NFAM1: variants seen among roughly 807,000 people sequenced by gnomAD.
NFAM1 encodes the protein NFAT activating protein with ITAM motif 1, also known as NFAT activation molecule 1.
NFAM1 carries 17 observed loss-of-function variants against 29.0 expected under a neutral mutation model. The observed-to-expected ratio is 0.59, with a 90% confidence interval of 0.40 to 0.88. NFAM1 has a LOEUF of 0.88. Among genes scored for constraint, NFAM1 ranks in the 40% least tolerant of loss-of-function variants. The pLI, the probability that NFAM1 is intolerant of heterozygous loss-of-function variation, is 0.00. For synonymous variants in NFAM1, 175 were observed against 147.2 expected (o/e 1.19, Z -1.36); for missense variants, 324 against 344.6 (o/e 0.94, Z 0.47).
chr22:42,399,403 C>T (rs1263137693), intron 3 of NFAM1, among the ~76,000 whole-genome samples: 1 of 145,830 alleles, frequency 6.9e-6, no homozygotes, highest in Non-Finnish European at 1.5e-5. Context: ...ATCGAGATCA[C>T]ACCATTGCAC....
chr22:42,391,742 C>T (rs928368077), intron 4 of NFAM1, among the ~76,000 whole-genome samples: 2 of 151,640 alleles, frequency 1.3e-5, no homozygotes, highest in African/African-American at 4.9e-5. Context: ...GTCAGGAGTT[C>T]GAGACCAGCC....
rs1929229243 is a variant in NFAM1 at position 42,388,605 on chromosome 22, G to C, written c.664-1527C>G. On this transcript the variant is annotated intron_variant, in intron 4 of 5. Transcript: ENST00000329021. This position sits in a 1 kb window ranked among gnomAD's most constrained non-coding sequence, Gnocchi z 4.1. ...AAGCAGGGGTTGCTGAGGCAGGCTG[G>C]AGAGACAGGTGGTGCTCAGAGGCAG... 6.7e-6 allele frequency among the ~76,000 whole-genome samples: 1 copy of C among 150,208 alleles called. No individual in the cohort carries two copies. The highest frequency in any genetic ancestry group is 2.4e-5 in the African/African-American group (1 of 41,078).
At chr22:42,396,788 C>G (rs969663996) in intron 4 of NFAM1, among the ~76,000 whole-genome samples, 1 of 152,262 alleles carries the variant, frequency 6.6e-6, no homozygotes, top group African/African-American at 2.4e-5. Context: ...CTGCCACCCG[C>G]CCCATCCTCA....
rs11090094 is a variant in NFAM1 at position 42,381,929 on chromosome 22, A to C, written c.*3232T>G. The C allele has an allele frequency of 0.55, 83,435 of 152,272 alleles. 25,404 individuals carry two copies. The highest frequency in any genetic ancestry group is 0.83 in the African/African-American group (34,520 of 41,502). 9.4% of individuals were successfully genotyped at this position (152,272 alleles called of 1,614,324 possible). On this transcript the variant is annotated 3_prime_UTR_variant, in exon 6 of 6. Coordinates refer to ENST00000329021, the MANE Select transcript of NFAM1 (RefSeq NM_145912.8). Reference sequence around the variant, plus strand: ...TCCCAGGGAGGCCTGCCTCTCACTTAGACTCCTCTGTACTGCCCCAGAAGC... The same window carrying C: ...TCCCAGGGAGGCCTGCCTCTCACTTCGACTCCTCTGTACTGCCCCAGAAGC...
chr22:42,404,191 C>T (rs1031589299), intron 3 of NFAM1, among the ~76,000 whole-genome samples: 2 of 152,124 alleles, frequency 1.3e-5, no homozygotes, highest in African/African-American at 2.4e-5. Flanking sequence ...GGCATTGCCC[C>T]GGGAGGCAAT....
intron 1 of NFAM1, among the ~76,000 whole-genome samples, chr22:42,424,425 C>CA (rs547173494): frequency 0.01 from 1,481 of 147,338 alleles, 25 homozygotes; most frequent in African/African-American, 0.036. Context: ...AAAAAAGAAA[C>CA]AAAAAAAGAA....
At position 42,409,418 on chromosome 22, in the gene NFAM1, G is replaced by A. The variant is rs772859164; in HGVS notation, c.564+17C>T. The A allele has an allele frequency of 1.5e-6, 2 of 1,336,806 alleles. No homozygotes were observed. Among genetic ancestry groups the A allele is most frequent in the Non-Finnish European group, 2.0e-6 (2 of 988,142 alleles). The allele number at this position is 1,336,806 out of a possible 1,614,324, so 82.8% of individuals were successfully genotyped here. On this transcript the variant is annotated intron_variant, in intron 3 of 5. Coordinates refer to ENST00000329021, the MANE Select transcript of NFAM1 (RefSeq NM_145912.8). This position sits in a 1 kb window ranked among gnomAD's most constrained non-coding sequence, Gnocchi z 4.9. ...TCGGGTGGAGGGGCTGCATGGCTGT[G>A]AGCACTGATCCCGTACCTTGTTCCA... is the stretch of plus-strand genomic sequence containing the variant.
At chr22:42,418,696 T>A (rs1930340202) in intron 1 of NFAM1, among the ~76,000 whole-genome samples, 1 of 152,008 alleles carries the variant, frequency 6.6e-6, no homozygotes, top group African/African-American at 2.4e-5. Flanking sequence ...CTGTTTTTTT[T>A]TTTTTTAAAA....
chr22:42,408,154 A>G (rs143317957), intron 3 of NFAM1, among the ~76,000 whole-genome samples: 2,278 of 152,220 alleles, frequency 0.015, 59 homozygotes, highest in African/African-American at 0.052. Flanking sequence ...TCGGCCTCCC[A>G]AAGTGCTGGT....
At position 42,391,869 on chromosome 22, in the gene NFAM1, T is replaced by TGGGAGGCGGAGGTTGCA. The variant is rs562003441; in HGVS notation, c.664-4808_664-4792dup. 8.0e-5 allele frequency among the ~76,000 whole-genome samples: 11 copies of TGGGAGGCGGAGGTTGCA among 137,908 alleles called. No individual in the cohort carries two copies. The South Asian group carries it at 2.5e-3, about 31-fold the overall frequency. 90.5% of individuals were successfully genotyped at this position (137,908 alleles called of 152,430 possible). ...CTGAGGCAAGAGAATCACTTGAACC[T>TGGGAGGCGGAGGTTGCA]GGGAGGCGGAGGTTGCAGTGAGCCG... On this transcript the variant is annotated intron_variant, in intron 4 of 5. Coordinates refer to ENST00000329021, the MANE Select transcript of NFAM1 (RefSeq NM_145912.8).
chr22:42,391,208 C>A (rs1430344021), intron 4 of NFAM1, among the ~76,000 whole-genome samples: 2 of 152,186 alleles, frequency 1.3e-5, no homozygotes, highest in Non-Finnish European at 2.9e-5. Context: ...TCTTCTCTCC[C>A]AGAGGGTTTC....
chr22:42,407,261 T>C (rs1929931066), intron 3 of NFAM1, among the ~76,000 whole-genome samples: 2 of 151,748 alleles, frequency 1.3e-5, no homozygotes, highest in Admixed American at 1.3e-4. Context: ...TTTGTATTTT[T>C]AGTAGAGATG....
chr22:42,396,077 G>T (rs775726429), intron 4 of NFAM1, among the ~76,000 whole-genome samples: 2 of 151,906 alleles, frequency 1.3e-5, no homozygotes, highest in South Asian at 4.2e-4. Flanking sequence ...ACTCTTCTCC[G>T]CCCAGGCCCA....
upstream of NFAM1, chr22:42,432,426 C>T (rs1569238721): frequency 1.5e-5 from 22 of 1,464,014 alleles, no homozygotes; most frequent in Non-Finnish European, 1.9e-5. Context: ...GACAGCTTCC[C>T]CTTTGCTTTC....
In NFAM1 at chr22:42,413,136, A is replaced by C. The variant is rs531137007; in HGVS notation, c.122-1400T>G. On this transcript the variant is annotated intron_variant, in intron 1 of 5. Transcript: ENST00000329021. ...CTTCTCCAGCAGCTGAGCAGCAGAC[A>C]GTTCTAAATTGAGGTCGGCAGCCAG... Among the ~76,000 whole-genome samples, 3 of 152,320 alleles carry C rather than the reference A, an allele frequency of 2.0e-5. No homozygotes were observed. The South Asian group carries it at 6.2e-4, about 32-fold the overall frequency.
intron 1 of NFAM1, among the ~76,000 whole-genome samples, chr22:42,431,788 C>G (rs1213293665): frequency 6.8e-6 from 1 of 147,506 alleles, no homozygotes; most frequent in African/African-American, 2.7e-5. Flanking sequence ...CCCCCTCCCC[C>G]CTCTCCCCGC....
At chr22:42,435,477 A>G (rs887049979), upstream of NFAM1, among the ~76,000 whole-genome samples, 8 of 151,268 alleles carry the variant, frequency 5.3e-5, no homozygotes, top group Non-Finnish European at 1.0e-4. Context: ...CCTCCCGAGT[A>G]GCTGGGATTA....
intron 1 of NFAM1, among the ~76,000 whole-genome samples, chr22:42,426,811 G>C (rs907758467): frequency 1.3e-5 from 2 of 152,136 alleles, no homozygotes; most frequent in African/African-American, 4.8e-5. Context: ...CATGACTCAC[G>C]ACCGAAGATG....
Position 42,390,023 on chromosome 22 carries a change from T to C in NFAM1, c.664-2945A>G, listed in dbSNP as rs76320477. ...GAGCCCCTGAAGGCTTTCCTCACCA[T>C]GCATCAGAGTCGTGTGTTAGAAAGG... is the stretch of plus-strand genomic sequence containing the variant. On this transcript the variant is annotated intron_variant, in intron 4 of 5. Coordinates refer to ENST00000329021, the MANE Select transcript of NFAM1 (RefSeq NM_145912.8). Among the ~76,000 whole-genome samples, 899 of 152,186 alleles carry C rather than the reference T, an allele frequency of 5.9e-3. 10 individuals are homozygous for C. The highest frequency in any genetic ancestry group is 0.021 in the African/African-American group (864 of 41,512).
Sources: allele counts gnomAD v4.1 joint callset (sites outside exome capture counted in the v4.1 genomes callset), GRCh38; gene constraint gnomAD v4.1.1; non-coding constraint Gnocchi (gnomAD v3.1); transcripts MANE v1.5; gene names NCBI Gene and HGNC (gene_info 2026-07-23, HGNC 2026-07-21).